The following DGKD variants were observed in gnomAD, a reference collection of about 807,000 sequenced individuals.
The protein encoded by DGKD is diacylglycerol kinase delta.
DGKD carries 68 observed loss-of-function variants against 154.4 expected under a neutral mutation model. The ratio of observed to expected loss-of-function variants is 0.44; its 90% CI spans 0.36 to 0.54. The LOEUF (loss-of-function observed/expected upper bound fraction) is 0.54, where lower values mean the gene tolerates loss of function less well. Among genes scored for constraint, DGKD ranks in the 20% least tolerant of loss-of-function variants. DGKD has a pLI of 0.00. For synonymous variants in DGKD, 693 were observed against 638.0 expected (o/e 1.09, Z -1.30); for missense variants, 1,343 against 1,593.6 (o/e 0.84, Z 2.68).
At chr2:233,407,451 A>G (rs2061714055) in intron 3 of DGKD, among the ~76,000 whole-genome samples, 1 of 152,252 alleles carries the variant, frequency 6.6e-6, no homozygotes, top group Non-Finnish European at 1.5e-5. Flanking sequence ...AAGCTATGTA[A>G]TGGATCAGAG....
intron 1 of DGKD, among the ~76,000 whole-genome samples, chr2:233,356,862 C>T (rs1266534994): frequency 6.6e-6 from 1 of 151,752 alleles, no homozygotes; most frequent in African/African-American, 2.4e-5. Flanking sequence ...CAAAATTCCT[C>T]TGGTATCTAT....
Position 233,362,295 on chromosome 2 carries a change from A to G in DGKD, c.156+7621A>G, listed in dbSNP as rs551778275. The stretch of plus-strand genomic sequence containing the variant: ...GAGACAGATATAGTAAGAAGGTCTT[A>G]CTTGTGTTTAATTGTCACAAGAGAG... On this transcript the variant is annotated intron_variant, in intron 1 of 29. Coordinates refer to ENST00000264057, the MANE Select transcript of DGKD (RefSeq NM_152879.3). Among the ~76,000 whole-genome samples the G allele has an allele frequency of 2.6e-5, 4 of 152,332 alleles. No individual in the cohort carries two copies. The East Asian group carries it at 7.7e-4, about 29-fold the overall frequency.
intron 10 of DGKD, among the ~76,000 whole-genome samples, chr2:233,443,578 A>T (rs552211393): frequency 6.6e-6 from 1 of 152,232 alleles, no homozygotes; most frequent in African/African-American, 2.4e-5. Context: ...CCCCATTTTT[A>T]AAAAATTCAG....
chr2:233,462,431 G>T lies in DGKD; in HGVS notation c.3065G>T (p.Arg1022Leu). The T allele has an allele frequency of 6.2e-7, 1 of 1,601,520 alleles. No homozygotes were observed. Among genetic ancestry groups the T allele is most frequent in the Non-Finnish European group, 8.5e-7 (1 of 1,170,254 alleles). Residue 1022 changes from arginine to leucine, a missense_variant, in exon 25 of 30, where the codon CGT becomes CTT. Transcript: ENST00000264057. ...AVNASSKSMD[R>L]VYGKPRTTEG... ...AATGCCAGCTCCAAGTCCATGGACC[G>T]TGTGTATGGCAAGCCCAGAACCACA...
At chr2:233,360,553 T>C (rs1458456928) in intron 1 of DGKD, among the ~76,000 whole-genome samples, 1 of 152,124 alleles carries the variant, frequency 6.6e-6, no homozygotes, top group Non-Finnish European at 1.5e-5. Context: ...CTACTGTGCC[T>C]GGCCAAAATT....
intron 3 of DGKD, among the ~76,000 whole-genome samples, chr2:233,428,464 A>G (rs2062391404): frequency 6.6e-6 from 1 of 152,188 alleles, no homozygotes; most frequent in Non-Finnish European, 1.5e-5. Flanking sequence ...AAATGATGAC[A>G]TCAAAGCTGA....
At position 233,457,662 on chromosome 2, in the gene DGKD, A is replaced by AGGGGGAGGCTGTTCC. The variant is rs1212074877; in HGVS notation, c.2580+335_2580+349dup. 3 of 468,112 alleles carry AGGGGGAGGCTGTTCC rather than the reference A, an allele frequency of 6.4e-6. No homozygotes were observed. Among genetic ancestry groups the AGGGGGAGGCTGTTCC allele is most frequent in the South Asian group, 1.7e-5 (1 of 60,054 alleles). The allele number at this position is 468,112 out of a possible 1,614,324, so 29.0% of individuals were successfully genotyped here. A position where few individuals can be genotyped will look rare whatever the true frequency, so the allele number is the denominator to read the frequency against. On this transcript the variant is annotated intron_variant, in intron 21 of 29. Transcript: ENST00000264057. The surrounding 1 kb of genome is among the most constrained non-coding windows in gnomAD (Gnocchi z 5.5). ...TGGCTAAGTTAGGTGGGCAGAGGAG[A>AGGGGGAGGCTGTTCC]GGGGGAGGCTGTTCCAGGCAGAGAG...
At chr2:233,387,997 G>A (rs556394867) in intron 1 of DGKD, among the ~76,000 whole-genome samples, 8 of 152,266 alleles carry the variant, frequency 5.3e-5, no homozygotes, top group African/African-American at 1.9e-4. Context: ...CTGCCAGTGC[G>A]TCCAGGGCAC....
intron 3 of DGKD, among the ~76,000 whole-genome samples, chr2:233,409,259 A>T (rs147817853): frequency 6.6e-6 from 1 of 152,236 alleles, no homozygotes; most frequent in African/African-American, 2.4e-5. Flanking sequence ...GAACAAGTGT[A>T]GCGTACTTGT....
In DGKD at chr2:233,441,802, G is replaced by A. The variant is rs542017702; in HGVS notation, c.1086-85G>A. The A allele has an allele frequency of 1.1e-5, 14 of 1,267,706 alleles. No homozygotes were observed. Among genetic ancestry groups the A allele is most frequent in the Non-Finnish European group, 1.5e-5 (13 of 886,998 alleles). 78.5% of individuals were successfully genotyped at this position (1,267,706 alleles called of 1,614,324 possible). A position where few individuals can be genotyped will look rare whatever the true frequency, so the allele number is the denominator to read the frequency against. On this transcript the variant is annotated intron_variant, in intron 9 of 29. Transcript: ENST00000264057. This position sits in a 1 kb window ranked among gnomAD's most constrained non-coding sequence, Gnocchi z 5.6. ...TGCAGGTCAGCCATGAGGAGCACAGGTGGCCCCTCAGCCCCGTACTGACAA... is the reference window on the plus strand; with the variant it reads ...TGCAGGTCAGCCATGAGGAGCACAGATGGCCCCTCAGCCCCGTACTGACAA...
At chr2:233,462,247 T>C in intron 24 of DGKD, 101 bp from the exon 25 acceptor site, 1 of 921,116 alleles carries the variant, frequency 1.1e-6, no homozygotes, top group South Asian at 1.6e-5. Context: ...GCCCTCCACA[T>C]CAGCCCTCCA....
chr2:233,367,838 C>CTCTTTTTCTTT (rs1450856780), intron 1 of DGKD, among the ~76,000 whole-genome samples: 1 of 139,370 alleles, frequency 7.2e-6, no homozygotes, highest in African/African-American at 2.8e-5. Context: ...TCTTTTCTTC[C>CTCTTTTTCTTT]TCTTTTTTTT....
At chr2:233,462,822 A>G (rs1345082721) in intron 26 of DGKD, 87 bp downstream of exon 26, 4 of 1,193,384 alleles carry the variant, frequency 3.4e-6, no homozygotes, top group East Asian at 2.3e-5. Context: ...AGGGCAGCAC[A>G]CTTTAGTCCA....
At chr2:233,462,545 C>G in intron 25 of DGKD, 86 bp downstream of exon 25, 1 of 1,523,114 alleles carries the variant, frequency 6.6e-7, no homozygotes, top group Non-Finnish European at 9.1e-7. Flanking sequence ...TCCCCCGCCT[C>G]CCCGGTGCAT....
intron 3 of DGKD, among the ~76,000 whole-genome samples, chr2:233,413,186 C>T (rs1034639388): frequency 6.6e-6 from 1 of 152,112 alleles, no homozygotes; most frequent in Admixed American, 6.6e-5. Context: ...TCACTTGAGG[C>T]TAGGAGTTCA....
chr2:233,379,275 CAAGAG>C (rs752234231), intron 1 of DGKD, among the ~76,000 whole-genome samples: 4 of 151,896 alleles, frequency 2.6e-5, no homozygotes, highest in Non-Finnish European at 4.4e-5. Context: ...ATTTCCCAGC[CAAGAG>C]AAGAGGAGCT....
At chr2:233,447,424 C>CT (rs2063117305) in intron 12 of DGKD, 1 of 965,620 alleles carries the variant, frequency 1.0e-6, no homozygotes. Flanking sequence ...GCTAGGGCAA[C>CT]GGTCAGCAAA....
At chr2:233,369,502 C>T (rs1029359669) in intron 1 of DGKD, among the ~76,000 whole-genome samples, 1 of 152,176 alleles carries the variant, frequency 6.6e-6, no homozygotes, top group African/African-American at 2.4e-5. Flanking sequence ...ACAAGAATCA[C>T]ATCTTTTCTA....
intron 3 of DGKD, among the ~76,000 whole-genome samples, chr2:233,412,470 CTTGT>C (rs1192543383): frequency 6.6e-6 from 1 of 152,166 alleles, no homozygotes. Context: ...CAAAATACTG[CTTGT>C]TTAATTCTAG....
Sources: allele counts gnomAD v4.1 joint callset (sites outside exome capture counted in the v4.1 genomes callset), GRCh38; gene constraint gnomAD v4.1.1; non-coding constraint Gnocchi (gnomAD v3.1); transcripts MANE v1.5; gene names NCBI Gene and HGNC (gene_info 2026-07-23, HGNC 2026-07-21).